Variants in CDH12 observed in about 807,000 individuals in gnomAD.
CDH12 encodes the protein cadherin 12.
In CDH12, 41 loss-of-function variants were observed where a neutral mutation model predicts 74.1. That is an observed-to-expected ratio of 0.55 (90% CI 0.43 to 0.72). CDH12 has a LOEUF of 0.72. Among genes scored for constraint, CDH12 ranks in the 30% least tolerant of loss-of-function variants. The pLI is 0.00. For synonymous variants in CDH12, 399 were observed against 355.0 expected (o/e 1.12, Z -1.39); for missense variants, 945 against 977.2 (o/e 0.97, Z 0.44).
chr5:22,000,004 T>C (rs1260755125), intron 5 of CDH12, among the ~76,000 whole-genome samples: 1 of 152,044 alleles, frequency 6.6e-6, no homozygotes, highest in Non-Finnish European at 1.5e-5. Flanking sequence ...CTTCCACCCA[T>C]TTGTGTCTAG....
chr5:22,307,253 C>T (rs1738153214), intron 3 of CDH12, among the ~76,000 whole-genome samples: 1 of 152,190 alleles, frequency 6.6e-6, no homozygotes, highest in Non-Finnish European at 1.5e-5. Context: ...GTATTCCTGG[C>T]ATTTTCCAGA....
intron 3 of CDH12, among the ~76,000 whole-genome samples, chr5:22,222,781 A>G (rs1374932401): frequency 6.6e-6 from 1 of 151,890 alleles, no homozygotes; most frequent in Non-Finnish European, 1.5e-5. Context: ...CTCTACTTTT[A>G]CTAGCTTTAA....
In CDH12 at chr5:21,880,621, T is replaced by TTCTC. The variant is rs1280328192; in HGVS notation, c.527-25832_527-25831insGAGA. 2.1e-4 allele frequency among the ~76,000 whole-genome samples: 10 copies of TTCTC among 48,564 alleles called. 1 individual carries two copies. The highest frequency in any genetic ancestry group is 5.9e-4 in the African/African-American group (8 of 13,514). 31.9% of individuals were successfully genotyped at this position (48,564 alleles called of 152,430 possible). Reference sequence around the variant, plus strand: ...CTTCCTTCCTTCCTTCCTTCCTTCTTTCTTTCTTTCTTTCTTTCTTTCTTT... The same window carrying TTCTC: ...CTTCCTTCCTTCCTTCCTTCCTTCTTTCTCTCTTTCTTTCTTTCTTTCTTTCTTT... On this transcript the variant is annotated intron_variant, in intron 6 of 14. Coordinates refer to ENST00000382254, the MANE Select transcript of CDH12 (RefSeq NM_004061.5).
chr5:21,946,187 A>C (rs910649907), intron 6 of CDH12, among the ~76,000 whole-genome samples: 11 of 152,138 alleles, frequency 7.2e-5, no homozygotes, highest in African/African-American at 2.7e-4. Context: ...CAGGCATTAA[A>C]GTGACATAGA....
chr5:22,540,799 G>A (rs541871331), intron 1 of CDH12, among the ~76,000 whole-genome samples: 11 of 152,232 alleles, frequency 7.2e-5, no homozygotes, highest in Admixed American at 2.0e-4. Context: ...TTGAAAAAGC[G>A]AAGTGTCAAT....
At chr5:21,877,398 CTTTA>C (rs929337005) in intron 6 of CDH12, among the ~76,000 whole-genome samples, 4 of 152,204 alleles carry the variant, frequency 2.6e-5, no homozygotes, top group South Asian at 2.1e-4. Flanking sequence ...AGTATTACTA[CTTTA>C]TTTATTTATT....
At chr5:22,239,962 G>T (rs192967605) in intron 3 of CDH12, among the ~76,000 whole-genome samples, 1 of 151,972 alleles carries the variant, frequency 6.6e-6, no homozygotes, top group Non-Finnish European at 1.5e-5. Context: ...CATCTTTCCC[G>T]GTACTTCTTC....
At chr5:22,451,169 A>G (rs886862905) in intron 2 of CDH12, among the ~76,000 whole-genome samples, 2 of 151,756 alleles carry the variant, frequency 1.3e-5, no homozygotes, top group Non-Finnish European at 2.9e-5. Context: ...GATCATGTTC[A>G]CTCCTTCATT....
intron 3 of CDH12, among the ~76,000 whole-genome samples, chr5:22,270,422 C>A (rs182585709): frequency 5.0e-4 from 76 of 151,754 alleles, no homozygotes; most frequent in Admixed American, 1.5e-3. Context: ...GGTGAAACCC[C>A]ATCTCTACTA....
rs151148018 is a variant in CDH12 at position 22,766,214 on chromosome 5, C to T, written c.-523+86844G>A. Among the ~76,000 whole-genome samples, 611 of 152,026 alleles carry T rather than the reference C, an allele frequency of 4.0e-3. 5 individuals carry two copies. The highest frequency in any genetic ancestry group is 0.012 in the African/African-American group (510 of 41,524). ...CAATTTAGAAAATAATTTCAATATGCATTTACTTAAAATTTGCATACCACT... is the reference window on the plus strand; with the variant it reads ...CAATTTAGAAAATAATTTCAATATGTATTTACTTAAAATTTGCATACCACT... On this transcript the variant is annotated intron_variant, in intron 1 of 14. Coordinates refer to ENST00000382254, the MANE Select transcript of CDH12 (RefSeq NM_004061.5).
intron 1 of CDH12, among the ~76,000 whole-genome samples, chr5:22,521,159 C>A (rs1049039882): frequency 2.0e-5 from 3 of 151,874 alleles, no homozygotes; most frequent in African/African-American, 7.2e-5. Context: ...TGTATCTTAT[C>A]AGTTGGAATT....
intron 5 of CDH12, among the ~76,000 whole-genome samples, chr5:22,070,841 C>T (rs766533355): frequency 7.2e-5 from 11 of 152,076 alleles, no homozygotes; most frequent in East Asian, 1.9e-4. Flanking sequence ...CGTGGAAGGA[C>T]GTGGATGCCT....
At chr5:22,246,007 G>A (rs143376711) in intron 3 of CDH12, among the ~76,000 whole-genome samples, 45 of 152,212 alleles carry the variant, frequency 3.0e-4, no homozygotes, top group Middle Eastern at 3.4e-3. Flanking sequence ...ACAAGTGGTG[G>A]CATTATAATA....
At chr5:22,343,347 GAGA>G (rs1739972796) in intron 3 of CDH12, among the ~76,000 whole-genome samples, 1 of 149,484 alleles carries the variant, frequency 6.7e-6, no homozygotes, top group African/African-American at 2.5e-5. Flanking sequence ...GAGAGAGAGA[GAGA>G]GAGAGAGAGA....
At chr5:22,137,968 T>G (rs1746556584) in intron 4 of CDH12, among the ~76,000 whole-genome samples, 1 of 152,104 alleles carries the variant, frequency 6.6e-6, no homozygotes, top group Non-Finnish European at 1.5e-5. Context: ...GAGAAAAACA[T>G]GGTCTTGGAG....
At chr5:22,364,294 G>T (rs1480625965) in intron 3 of CDH12, among the ~76,000 whole-genome samples, 1 of 128,662 alleles carries the variant, frequency 7.8e-6, no homozygotes, top group Non-Finnish European at 1.9e-5. Context: ...TAGGAGCGAT[G>T]GGAAGAAAAG....
intron 11 of CDH12, among the ~76,000 whole-genome samples, chr5:21,768,339 A>C (rs1033529205): frequency 3.3e-5 from 5 of 151,852 alleles, no homozygotes; most frequent in Non-Finnish European, 7.4e-5. Flanking sequence ...TCTTTCAATA[A>C]TATCGGAGTC....
rs376451296 is a variant in CDH12, at chr5:21,969,323, T to C, written c.526+5768A>G. Among the ~76,000 whole-genome samples, 30 of 152,012 alleles carry C rather than the reference T, an allele frequency of 2.0e-4. No homozygotes were observed. In the South Asian group the frequency reaches 5.2e-3, roughly 26 times the overall value. ...CAACATGAATCATTGAGAGCCAGAG[T>C]ATAGACAGTGGTAGGTAGACTGTAG... is the stretch of plus-strand genomic sequence containing the variant. On this transcript the variant is annotated intron_variant, in intron 6 of 14. Transcript: ENST00000382254.
chr5:22,823,127 G>T (rs542423755), intron 1 of CDH12, among the ~76,000 whole-genome samples: 1 of 150,810 alleles, frequency 6.6e-6, no homozygotes, highest in African/African-American at 2.4e-5. Context: ...GCAAACTATC[G>T]CAAGGACAAA....
Sources: allele counts gnomAD v4.1 joint callset (sites outside exome capture counted in the v4.1 genomes callset), GRCh38; gene constraint gnomAD v4.1.1; transcripts MANE v1.5; gene names NCBI Gene and HGNC (gene_info 2026-07-23, HGNC 2026-07-21).